KCNQ1: variants seen among roughly 807,000 people sequenced by gnomAD.
KCNQ1 encodes potassium voltage-gated channel subfamily KQT member 1.
KCNQ1 carries 49 observed loss-of-function variants against 72.4 expected under a neutral mutation model. The ratio of observed to expected loss-of-function variants is 0.68; its 90% CI spans 0.54 to 0.86. The LOEUF (loss-of-function observed/expected upper bound fraction) is 0.86. Ranked by LOEUF, KCNQ1 falls within the 40% of genes least tolerant of loss-of-function variation. The pLI, the probability that KCNQ1 is intolerant of heterozygous loss-of-function variation, is 0.00. For missense variants in KCNQ1, 790 were observed against 945.1 expected (o/e 0.84, Z 2.15); for synonymous variants, 450 against 412.6 (o/e 1.09, Z -1.10).
At chr11:2,728,325 T>G (rs1223221142) in intron 11 of KCNQ1, among the ~76,000 whole-genome samples, 2 of 152,232 alleles carry the variant, frequency 1.3e-5, no homozygotes, top group Non-Finnish European at 2.9e-5. Flanking sequence ...CCAGGACTCT[T>G]GTTCACAGTG....
intron 1 of KCNQ1, among the ~76,000 whole-genome samples, chr11:2,467,605 G>A (rs1023028307): frequency 5.9e-5 from 9 of 152,182 alleles, no homozygotes; most frequent in African/African-American, 2.2e-4. Flanking sequence ...GGGAGCTGGG[G>A]TTTGGCAAAG....
chr11:2,843,487 A>G (rs1331478071), intron 15 of KCNQ1, among the ~76,000 whole-genome samples: 1 of 152,196 alleles, frequency 6.6e-6, no homozygotes, highest in East Asian at 1.9e-4. Flanking sequence ...AGGATGCTAG[A>G]AGGGGCAGTG....
In KCNQ1 at chr11:2,463,866, G is replaced by A. The variant is rs1025762939; in HGVS notation, c.386+18382G>A. Among the ~76,000 whole-genome samples the A allele has an allele frequency of 3.3e-5, 5 of 152,220 alleles. No homozygotes were observed. The highest frequency in any genetic ancestry group is 1.9e-4 in the East Asian group (1 of 5,202). The stretch of plus-strand genomic sequence containing the variant: ...TGTAGGTGCTTGTGTAGATGCCCCC[G>A]TGCGGGGACTTGTTTGGCTGATGGA... On this transcript the variant is annotated intron_variant, in intron 1 of 15. Transcript: ENST00000155840. The surrounding 1 kb of genome is among the most constrained non-coding windows in gnomAD (Gnocchi z 7.0).
rs976561057 is a variant in KCNQ1, at chr11:2,509,424, C to T, written c.387-18504C>T. 1.3e-5 allele frequency among the ~76,000 whole-genome samples: 2 copies of T among 152,092 alleles called. No homozygotes were observed. The highest frequency in any genetic ancestry group is 2.4e-5 in the African/African-American group (1 of 41,420). ...GGCTCCCTTTGCTCCAGTGAGTGGC[C>T]GTTGGCTGGGAGGCTGGGTCTGTGC... On this transcript the variant is annotated intron_variant, in intron 1 of 15. Transcript: ENST00000155840. The surrounding 1 kb of genome is among the most constrained non-coding windows in gnomAD (Gnocchi z 6.3).
chr11:2,607,285 C>T (rs117175996), intron 10 of KCNQ1, among the ~76,000 whole-genome samples: 101 of 152,140 alleles, frequency 6.6e-4, no homozygotes, highest in Non-Finnish European at 1.2e-3. Flanking sequence ...GCTTTTTCTC[C>T]CATCATGGAA....
In KCNQ1 at chr11:2,647,721, G is replaced by C. The variant is rs1025554264; in HGVS notation, c.1394-14240G>C. The C allele has an allele frequency of 5.0e-6, 2 of 398,150 alleles. No homozygotes were observed. Among genetic ancestry groups the C allele is most frequent in the Admixed American group, 4.4e-5 (1 of 22,698 alleles). 24.7% of individuals were successfully genotyped at this position (398,150 alleles called of 1,614,324 possible). A position where few individuals can be genotyped will look rare whatever the true frequency, so the allele number is the denominator to read the frequency against. On this transcript the variant is annotated intron_variant, in intron 10 of 15. Transcript: ENST00000155840. This position sits in a 1 kb window ranked among gnomAD's most constrained non-coding sequence, Gnocchi z 4.0. ...TTTTTTTCTTCCTGGTTCAATCTTG[G>C]GAGGTTATATATGTCCAGGAATTTA...
intron 2 of KCNQ1, among the ~76,000 whole-genome samples, chr11:2,529,311 A>G (rs768262021): frequency 1.2e-4 from 18 of 152,104 alleles, no homozygotes; most frequent in Non-Finnish European, 2.2e-4. Context: ...GTGCCTCGGC[A>G]GGGCTTTCTT....
In KCNQ1 at chr11:2,593,827, G is replaced by A. The variant is rs563889349; in HGVS notation, c.1393+4973G>A. Among the ~76,000 whole-genome samples, 11 of 152,266 alleles carry A rather than the reference G, an allele frequency of 7.2e-5. No individual in the cohort carries two copies. The East Asian group carries it at 1.2e-3, about 16-fold the overall frequency. ...TTCATGCACTCCTCCATTCAAAGCC[G>A]TGTGTTCTGATTGTGCACTTTTGGT... On this transcript the variant is annotated intron_variant, in intron 10 of 15. Transcript: ENST00000155840. This position sits in a 1 kb window ranked among gnomAD's most constrained non-coding sequence, Gnocchi z 6.9.
rs114877430 is a variant in KCNQ1 at position 2,848,353 on chromosome 11, G to T, written c.*350G>T. The T allele has an allele frequency of 1.3e-5, 7 of 548,676 alleles. No individual in the cohort carries two copies. In the East Asian group the frequency reaches 3.0e-4, roughly 23 times the overall value. The allele number at this position is 548,676 out of a possible 1,614,324, so 34.0% of individuals were successfully genotyped here. A position where few individuals can be genotyped will look rare whatever the true frequency, so the allele number is the denominator to read the frequency against. ...GGCCAGGAAGTAGCACAGGCTGAGTGCAGGCCCACCCTGCTTGGCCCAGGG... is the reference window on the plus strand; with the variant it reads ...GGCCAGGAAGTAGCACAGGCTGAGTTCAGGCCCACCCTGCTTGGCCCAGGG... On this transcript the variant is annotated 3_prime_UTR_variant, in exon 16 of 16. Coordinates refer to ENST00000155840, the MANE Select transcript of KCNQ1 (RefSeq NM_000218.3).
intron 1 of KCNQ1, among the ~76,000 whole-genome samples, chr11:2,524,932 C>G (rs114196283): frequency 1.8e-3 from 268 of 152,298 alleles, no homozygotes; most frequent in African/African-American, 6.2e-3. Flanking sequence ...CCGGGCAGCC[C>G]GGCTCTGCTT....
At chr11:2,721,595 G>A (rs572578898) in intron 11 of KCNQ1, among the ~76,000 whole-genome samples, 1 of 152,358 alleles carries the variant, frequency 6.6e-6, no homozygotes, top group African/African-American at 2.4e-5. Context: ...TACTCCGCCT[G>A]CAGGGGTGGG....
chr11:2,542,132 G>C (rs190920361), intron 2 of KCNQ1, among the ~76,000 whole-genome samples: 1 of 152,212 alleles, frequency 6.6e-6, no homozygotes, highest in Non-Finnish European at 1.5e-5. Flanking sequence ...GTCCACACAC[G>C]TCACCAATCC....
In KCNQ1 at chr11:2,714,700, G is replaced by A. The variant is rs182248041; in HGVS notation, c.1514+52619G>A. Among the ~76,000 whole-genome samples the A allele has an allele frequency of 2.6e-3, 396 of 152,292 alleles. 10 individuals carry two copies. Among genetic ancestry groups the A allele is most frequent in the Admixed American group, 0.022 (333 of 15,308 alleles). On this transcript the variant is annotated intron_variant, in intron 11 of 15. Transcript: ENST00000155840. ...CTGGGAGGTGAAGGCACCAGCTGTA[G>A]CCAGCATCCCAGAAAGGGACACGAA...
In KCNQ1 at chr11:2,652,659, C is replaced by T. The variant is rs1022125771; in HGVS notation, c.1394-9302C>T. On this transcript the variant is annotated intron_variant, in intron 10 of 15. Transcript: ENST00000155840. The surrounding 1 kb of genome is among the most constrained non-coding windows in gnomAD (Gnocchi z 5.9). ...AGTGACTTCCTGCAGCATGGAGACC[C>T]GGGTGGGTCGATTTTAGTTGTGTGG... 15 of 398,740 alleles carry T rather than the reference C, an allele frequency of 3.8e-5. No individual in the cohort carries two copies. The South Asian group carries it at 1.1e-3, about 30-fold the overall frequency. The allele number at this position is 398,740 out of a possible 1,614,324, so 24.7% of individuals were successfully genotyped here. A position where few individuals can be genotyped will look rare whatever the true frequency, so the allele number is the denominator to read the frequency against.
chr11:2,805,410 C>T (rs769831058), intron 15 of KCNQ1, among the ~76,000 whole-genome samples: 2 of 152,188 alleles, frequency 1.3e-5, no homozygotes, highest in Non-Finnish European at 2.9e-5. Context: ...GCACTCGCCC[C>T]GCAGTAGGAA....
rs766757995 is a variant in KCNQ1 at position 2,683,118 on chromosome 11, C to G, written c.1514+21037C>G. On this transcript the variant is annotated intron_variant, in intron 11 of 15. Coordinates refer to ENST00000155840, the MANE Select transcript of KCNQ1 (RefSeq NM_000218.3). The surrounding 1 kb of genome is among the most constrained non-coding windows in gnomAD (Gnocchi z 4.7). ...TTTCTTGTTCCCAGGATATATCGCA[C>G]CAACTCAGGAGGGTGTGGGGATGGG... 81 of 343,596 alleles carry G rather than the reference C, an allele frequency of 2.4e-4. No individual in the cohort carries two copies. The highest frequency in any genetic ancestry group is 3.3e-4 in the Non-Finnish European group (71 of 212,206). The allele number at this position is 343,596 out of a possible 1,614,324, so 21.3% of individuals were successfully genotyped here.
At chr11:2,582,898 C>T (rs545615592) in intron 6 of KCNQ1, among the ~76,000 whole-genome samples, 18 of 152,244 alleles carry the variant, frequency 1.2e-4, no homozygotes, top group Non-Finnish European at 2.4e-4. Context: ...ACGTCCTGGA[C>T]GGATGGCTCT....
rs1201967788 is a variant in KCNQ1, at chr11:2,816,157, G to A, written c.1795-31610G>A. 6.6e-6 allele frequency among the ~76,000 whole-genome samples: 1 copy of A among 152,204 alleles called. No homozygotes were observed. Among genetic ancestry groups the A allele is most frequent in the African/African-American group, 2.4e-5 (1 of 41,446 alleles). ...TGCCCATCCTGGGAAACTCACCATG[G>A]CATTGTGGTTGAAGGGTCAGTGGCC... On this transcript the variant is annotated intron_variant, in intron 15 of 15. Transcript: ENST00000155840. The surrounding 1 kb of genome is among the most constrained non-coding windows in gnomAD (Gnocchi z 6.8).
In KCNQ1 at chr11:2,508,893, TGTG is replaced by T. The variant is rs553372647; in HGVS notation, c.387-19033_387-19031del. On this transcript the variant is annotated intron_variant, in intron 1 of 15. Coordinates refer to ENST00000155840, the MANE Select transcript of KCNQ1 (RefSeq NM_000218.3). This position sits in a 1 kb window ranked among gnomAD's most constrained non-coding sequence, Gnocchi z 6.2. ...TGCCTGATGCACACAGCCTGGCCCT[TGTG>T]GGCACTGGAGGGCACCCTACAGTCA... Among the ~76,000 whole-genome samples the T allele has an allele frequency of 9.2e-4, 140 of 152,314 alleles. 1 individual carries two copies. In the South Asian group the frequency reaches 0.011, roughly 12 times the overall value.
Sources: gnomAD v4.1 joint callset for allele counts (sites outside exome capture counted in the v4.1 genomes callset) on GRCh38, gnomAD v4.1.1 for gene constraint, Gnocchi (gnomAD v3.1) non-coding constraint, MANE v1.5 for transcripts, NCBI Gene and HGNC (gene_info 2026-07-23, HGNC 2026-07-21) for gene names.